SH3RF1: variants seen among roughly 807,000 people sequenced by gnomAD.
SH3RF1 encodes the protein E3 ubiquitin-protein ligase SH3RF1.
Under a neutral mutation model 74.0 loss-of-function variants are expected in SH3RF1, and 32 were observed. The ratio of observed to expected loss-of-function variants is 0.43; its 90% CI spans 0.33 to 0.58. SH3RF1 has a LOEUF of 0.58. Among genes scored for constraint, SH3RF1 ranks in the 20% least tolerant of loss-of-function variants. The probability of loss-of-function intolerance (pLI) is 0.05; values close to 1 mark genes in which losing one functional copy is unlikely to be tolerated. For missense variants in SH3RF1, 954 were observed against 1,130.9 expected, an observed-to-expected ratio of 0.84 and a Z score of 2.24; for synonymous variants, 396 against 439.6, an observed-to-expected ratio of 0.90 and a Z score of 1.24.
intron 2 of SH3RF1, among the ~76,000 whole-genome samples, chr4:169,246,516 G>A (rs746107590): frequency 2.0e-5 from 3 of 152,228 alleles, no homozygotes; most frequent in Non-Finnish European, 1.5e-5. Context: ...GCCTAAAGGA[G>A]AAAGTAGAAA....
chr4:169,270,098 T>A (rs1413908250), intron 1 of SH3RF1: 2 of 152,258 alleles, frequency 1.3e-5, no homozygotes, highest in African/African-American at 4.8e-5. Flanking sequence ...GCAAGCCACT[T>A]ACTGCGCCGC....
In SH3RF1 at chr4:169,156,683, TAA is replaced by T. The variant is rs146400483; in HGVS notation, c.394-6_394-5del. 7.5e-7 allele frequency: 1 copy of T among 1,333,174 alleles called. No homozygotes were observed. Among genetic ancestry groups the T allele is most frequent in the Non-Finnish European group, 1.0e-6 (1 of 984,422 alleles). 82.6% of individuals were successfully genotyped at this position (1,333,174 alleles called of 1,614,324 possible). ...CACATGGTAACTGAGGTATACCCTT[TAA>T]AAAAAAAAGAGGGATGAATTTTAAT... On this transcript the variant is annotated splice_region_variant and splice_polypyrimidine_tract_variant and intron_variant, in intron 2 of 11. Coordinates refer to ENST00000284637, the MANE Select transcript of SH3RF1 (RefSeq NM_020870.4).
intron 2 of SH3RF1, among the ~76,000 whole-genome samples, chr4:169,233,549 CTT>C (rs1386900166): frequency 1.3e-5 from 2 of 152,150 alleles, no homozygotes; most frequent in Non-Finnish European, 2.9e-5. Context: ...TTGCATTACA[CTT>C]TACTTCATTT....
chr4:169,237,990 C>T (rs1730847502), intron 2 of SH3RF1, among the ~76,000 whole-genome samples: 1 of 152,066 alleles, frequency 6.6e-6, no homozygotes, highest in South Asian at 2.1e-4. Context: ...GTCGGGTTAG[C>T]AAGAATCCCC....
rs149709281 is a variant in SH3RF1, at chr4:169,189,946, A to T, written c.394-33267T>A. Among the ~76,000 whole-genome samples, 112 of 152,344 alleles carry T rather than the reference A, an allele frequency of 7.4e-4. 2 individuals carry two copies. The East Asian group carries it at 0.019, about 26-fold the overall frequency. On this transcript the variant is annotated intron_variant, in intron 2 of 11. Coordinates refer to ENST00000284637, the MANE Select transcript of SH3RF1 (RefSeq NM_020870.4). The stretch of plus-strand genomic sequence containing the variant: ...GGAACCTTCAAAACCATGCAAATAC[A>T]TGGAAATTAAATAACCTGCTCCTGA...
At chr4:169,209,222 G>A (rs1730316834) in intron 2 of SH3RF1, among the ~76,000 whole-genome samples, 1 of 151,826 alleles carries the variant, frequency 6.6e-6, no homozygotes, top group Admixed American at 6.6e-5. Flanking sequence ...CCAGGAGGCG[G>A]AGGTTGCAGT....
intron 3 of SH3RF1, 110 bp downstream of exon 3, chr4:169,156,294 C>G (rs2126965000): frequency 7.9e-7 from 1 of 1,267,264 alleles, no homozygotes; most frequent in South Asian, 1.9e-5. Flanking sequence ...GTGAGTAGTT[C>G]ACACAAAACT....
chr4:169,159,618 A>G (rs1734120022), intron 2 of SH3RF1, among the ~76,000 whole-genome samples: 1 of 152,118 alleles, frequency 6.6e-6, no homozygotes, highest in Non-Finnish European at 1.5e-5. Context: ...TCATATATAT[A>G]AGCCACACCT....
chr4:169,224,260 G>C (rs1730618469), intron 2 of SH3RF1, among the ~76,000 whole-genome samples: 1 of 152,026 alleles, frequency 6.6e-6, no homozygotes, highest in Non-Finnish European at 1.5e-5. Context: ...AGCCAGTAGA[G>C]AGCTATAAAC....
chr4:169,161,436 T>C (rs1271974555), intron 2 of SH3RF1, among the ~76,000 whole-genome samples: 1 of 152,264 alleles, frequency 6.6e-6, no homozygotes, highest in Non-Finnish European at 1.5e-5. Context: ...TTTGATTAAA[T>C]GCTTTCGACT....
At position 169,144,378 on chromosome 4, in the gene SH3RF1, T is replaced by C. The variant is rs186321878; in HGVS notation, c.766-7758A>G. Among the ~76,000 whole-genome samples, 9 of 152,270 alleles carry C rather than the reference T, an allele frequency of 5.9e-5. No homozygotes were observed. In the East Asian group the frequency reaches 1.7e-3, roughly 29 times the overall value. On this transcript the variant is annotated intron_variant, in intron 4 of 11. Coordinates refer to ENST00000284637, the MANE Select transcript of SH3RF1 (RefSeq NM_020870.4). The stretch of plus-strand genomic sequence containing the variant: ...CCAAACAAAAATATCCCATTCAAAA[T>C]ATTCAATAGGCAAAGACTTCTGTGT...
intron 11 of SH3RF1, among the ~76,000 whole-genome samples, chr4:169,100,749 C>A (rs958263617): frequency 6.6e-6 from 1 of 152,176 alleles, no homozygotes; most frequent in African/African-American, 2.4e-5. Flanking sequence ...GCCTGGTATG[C>A]GAAGCCCTTG....
chr4:169,135,241 A>C (rs1733682130), intron 5 of SH3RF1, among the ~76,000 whole-genome samples: 5 of 152,214 alleles, frequency 3.3e-5, no homozygotes, highest in Admixed American at 3.3e-4. Context: ...ACTGTATTTT[A>C]CATTTTCATT....
intron 2 of SH3RF1, among the ~76,000 whole-genome samples, chr4:169,263,063 T>G (rs1310066572): frequency 6.6e-6 from 1 of 152,196 alleles, no homozygotes; most frequent in Non-Finnish European, 1.5e-5. Flanking sequence ...ATTTCCCTCA[T>G]CCAAACCACC....
rs532281502 is a variant in SH3RF1, at chr4:169,217,012, AAC to A, written c.393+51806_393+51807del. Reference sequence around the variant, plus strand: ...CAAAAATTACAAAAAAAAAAAAAAAAACCAGCCAGGTGTGGTGGTACATGTCT... The same window carrying A: ...CAAAAATTACAAAAAAAAAAAAAAAACAGCCAGGTGTGGTGGTACATGTCT... On this transcript the variant is annotated intron_variant, in intron 2 of 11. Coordinates refer to ENST00000284637, the MANE Select transcript of SH3RF1 (RefSeq NM_020870.4). Among the ~76,000 whole-genome samples, 356 of 140,874 alleles carry A rather than the reference AAC, an allele frequency of 2.5e-3. 2 individuals carry two copies. The highest frequency in any genetic ancestry group is 4.2e-3 in the Admixed American group (57 of 13,668). 92.4% of individuals were successfully genotyped at this position (140,874 alleles called of 152,430 possible).
At chr4:169,202,195 C>T (rs543726133) in intron 2 of SH3RF1, among the ~76,000 whole-genome samples, 1 of 152,262 alleles carries the variant, frequency 6.6e-6, no homozygotes, top group African/African-American at 2.4e-5. Flanking sequence ...TAAGGGCCTA[C>T]TTCGTGTTCT....
chr4:169,206,646 T>C (rs1730268897), intron 2 of SH3RF1, among the ~76,000 whole-genome samples: 1 of 152,206 alleles, frequency 6.6e-6, no homozygotes, highest in East Asian at 1.9e-4. Flanking sequence ...AGATAAATTA[T>C]ACAGAGAATC....
At chr4:169,147,076 G>A in intron 4 of SH3RF1, among the ~76,000 whole-genome samples, 1 of 152,168 alleles carries the variant, frequency 6.6e-6, no homozygotes, top group Non-Finnish European at 1.5e-5. Flanking sequence ...ATGGTGCTGG[G>A]GAGAGAGACC....
chr4:169,136,331 C>T lies in SH3RF1; in HGVS notation c.1055G>A (p.Ser352Asn), dbSNP rs1309857293. Reference protein sequence around the residue: ...RISELSGLSCSAPSQVHISTT... With the variant: ...RISELSGLSCNAPSQVHISTT... ...TTGAGGATTTACCTGAGAAGGGGCACTGCAGGAGAGCCCAGACAGCTCGCT... is the reference window on the plus strand; with the variant it reads ...TTGAGGATTTACCTGAGAAGGGGCATTGCAGGAGAGCCCAGACAGCTCGCT... Residue 352 changes from serine (S) to asparagine (N), a missense_variant, in exon 5 of 12, where the codon AGT becomes AAT. By Grantham distance (46) the Ser-to-Asn change is conservative (BLOSUM62 1). Transcript: ENST00000284637. The T allele has an allele frequency of 6.8e-7, 1 of 1,465,700 alleles. No homozygotes were observed. The highest frequency in any genetic ancestry group is 2.4e-5 in the East Asian group (1 of 41,088). The allele number at this position is 1,465,700 out of a possible 1,614,324, so 90.8% of individuals were successfully genotyped here.
Sources: gnomAD v4.1 joint callset for allele counts (sites outside exome capture counted in the v4.1 genomes callset) on GRCh38, gnomAD v4.1.1 for gene constraint, MANE v1.5 for transcripts, NCBI Gene and HGNC (gene_info 2026-07-23, HGNC 2026-07-21) for gene names.